CERKL: variants seen among roughly 807,000 people sequenced by gnomAD.
The protein encoded by CERKL is ceramide kinase-like protein.
A neutral mutation model predicts 63.4 loss-of-function variants in CERKL; 61 were observed. The observed-to-expected ratio is 0.96, with a 90% CI of 0.78 to 1.19. The LOEUF (loss-of-function observed/expected upper bound fraction) is 1.19. Ranked by LOEUF, CERKL falls within the 50% of genes most tolerant of loss-of-function variation. CERKL has a pLI of 0.00. For synonymous variants in CERKL, 250 were observed against 230.5 expected (o/e 1.08, Z -0.77); for missense variants, 675 against 655.5 (o/e 1.03, Z -0.33).
At chr2:181,547,555 T>C in intron 10 of CERKL, 63 bp downstream of exon 10, 1 of 1,300,394 alleles carries the variant, frequency 7.7e-7, no homozygotes, top group South Asian at 1.2e-5. Context: ...GTTAATTGGA[T>C]ACCCTGGAAA....
rs149462889 is a variant in CERKL at position 181,655,707 on chromosome 2, C to G, written c.238+1062G>C. ...GTGAGTCTATTCTGTAACATAAATACCACACTGTGTCTTGTTTTCCAACAG... is the reference window on the plus strand; with the variant it reads ...GTGAGTCTATTCTGTAACATAAATAGCACACTGTGTCTTGTTTTCCAACAG... On this transcript the variant is annotated intron_variant, in intron 1 of 12. Coordinates refer to ENST00000410087, the MANE Select transcript of CERKL (RefSeq NM_201548.5). 6.7e-3 allele frequency among the ~76,000 whole-genome samples: 1,023 copies of G among 152,314 alleles called. 7 individuals are homozygous for G. The highest frequency in any genetic ancestry group is 0.023 in the African/African-American group (970 of 41,558).
At chr2:181,559,908 A>G (rs1688365927) in intron 4 of CERKL, among the ~76,000 whole-genome samples, 1 of 152,148 alleles carries the variant, frequency 6.6e-6, no homozygotes, top group Middle Eastern at 3.2e-3. Flanking sequence ...TACTCTGGTT[A>G]GAAGACTCAA....
rs188552535 is a variant in CERKL, at chr2:181,609,873, T to C, written c.239-5794A>G. ...GATAATGGTGGCATCTAAGCGCCGC[T>C]AGAAATAGCAAAGGATGATTTAGAA... On this transcript the variant is annotated intron_variant, in intron 1 of 12. Transcript: ENST00000410087. 8.5e-5 allele frequency among the ~76,000 whole-genome samples: 13 copies of C among 152,244 alleles called. No individual in the cohort carries two copies. In the East Asian group the frequency reaches 1.9e-3, roughly 23 times the overall value.
chr2:181,640,456 G>C (rs944374336), intron 1 of CERKL, among the ~76,000 whole-genome samples: 21 of 152,144 alleles, frequency 1.4e-4, no homozygotes, highest in African/African-American at 5.1e-4. Context: ...TTTTAATGAT[G>C]CTTGTAGACT....
intron 3 of CERKL, among the ~76,000 whole-genome samples, chr2:181,572,812 C>G (rs75814252): frequency 0.019 from 2,015 of 105,178 alleles, 26 homozygotes; most frequent in Non-Finnish European, 0.027. Flanking sequence ...TCTTCTACCT[C>G]AATCCATCAG....
chr2:181,583,502 C>T (rs1156463923), intron 2 of CERKL, among the ~76,000 whole-genome samples: 1 of 152,158 alleles, frequency 6.6e-6, no homozygotes, highest in Non-Finnish European at 1.5e-5. Context: ...ATTGAAAATT[C>T]AGTTTAGAGG....
intron 1 of CERKL, among the ~76,000 whole-genome samples, chr2:181,638,440 G>A (rs967000101): frequency 2.0e-5 from 3 of 152,168 alleles, no homozygotes; most frequent in Non-Finnish European, 4.4e-5. Context: ...TCAAGATGAA[G>A]GGGCTCCCAT....
chr2:181,653,008 C>G (rs139779195), intron 1 of CERKL, among the ~76,000 whole-genome samples: 1,745 of 152,234 alleles, frequency 0.011, 34 homozygotes, highest in African/African-American at 0.041. Flanking sequence ...CTTCTGACCT[C>G]GTGATCTGCC....
intron 1 of CERKL, among the ~76,000 whole-genome samples, chr2:181,648,564 G>GA (rs1363373547): frequency 1.3e-5 from 2 of 151,988 alleles, no homozygotes; most frequent in Admixed American, 1.3e-4. Context: ...AGCTGTAAAT[G>GA]AAAAAATGAT....
chr2:181,538,280 T>G lies in CERKL; in HGVS notation c.1539-36A>C, dbSNP rs1222528757. On this transcript the variant is annotated intron_variant, in intron 12 of 12. Transcript: ENST00000410087. The stretch of plus-strand genomic sequence containing the variant: ...AATACATTATTTCATCAACTTATTT[T>G]GTTGTTTTTCACATACACCTAATAA... 4 of 1,372,662 alleles carry G rather than the reference T, an allele frequency of 2.9e-6. No homozygotes were observed. The African/African-American group carries it at 5.7e-5, about 20-fold the overall frequency. 85.0% of individuals were successfully genotyped at this position (1,372,662 alleles called of 1,614,324 possible).
intron 3 of CERKL, among the ~76,000 whole-genome samples, chr2:181,567,168 A>G: frequency 6.6e-6 from 1 of 152,164 alleles, no homozygotes; most frequent in Non-Finnish European, 1.5e-5. Context: ...TCTCTATATT[A>G]AATTCCAATC....
At chr2:181,565,456 A>C (rs773589445) in intron 4 of CERKL, 2 of 1,612,542 alleles carry the variant, frequency 1.2e-6, no homozygotes, top group South Asian at 2.2e-5. Flanking sequence ...TTTGCATGCC[A>C]GTGAACAATC....
chr2:181,573,635 G>A (rs1033750699), intron 3 of CERKL, 118 bp downstream of exon 3: 12 of 803,254 alleles, frequency 1.5e-5, no homozygotes, highest in South Asian at 1.1e-4. Context: ...TTATGAAGAC[G>A]TAAAAATGCT....
At chr2:181,581,975 C>T (rs1684533117) in intron 2 of CERKL, among the ~76,000 whole-genome samples, 1 of 152,200 alleles carries the variant, frequency 6.6e-6, no homozygotes, top group Non-Finnish European at 1.5e-5. Context: ...CTATTTCCTC[C>T]TCTGAATGAA....
chr2:181,575,841 C>T (rs1395094545), intron 2 of CERKL, among the ~76,000 whole-genome samples: 1 of 152,166 alleles, frequency 6.6e-6, no homozygotes, highest in Non-Finnish European at 1.5e-5. Flanking sequence ...CACCCCATCC[C>T]CACTTTTGTC....
At chr2:181,629,426 A>T (rs1686854650) in intron 1 of CERKL, among the ~76,000 whole-genome samples, 1 of 152,188 alleles carries the variant, frequency 6.6e-6, no homozygotes, top group South Asian at 2.1e-4. Flanking sequence ...CACCTAAGTC[A>T]ATGTTCTGCA....
In CERKL at chr2:181,593,769, T is replaced by C. The variant is rs74897660; in HGVS notation, c.481+10068A>G. On this transcript the variant is annotated intron_variant, in intron 2 of 12. Transcript: ENST00000410087. ...TGCATAGCCCATTGATGGACTCCTT[T>C]CCAGTGTTGCGACATTTTTAATATA... is the stretch of plus-strand genomic sequence containing the variant. Among the ~76,000 whole-genome samples, 904 of 151,974 alleles carry C rather than the reference T, an allele frequency of 5.9e-3. 6 individuals carry two copies. Among genetic ancestry groups the C allele is most frequent in the African/African-American group, 0.021 (864 of 41,442 alleles).
intron 5 of CERKL, among the ~76,000 whole-genome samples, chr2:181,554,458 G>A (rs1688120897): frequency 6.6e-6 from 1 of 152,114 alleles, no homozygotes; most frequent in Non-Finnish European, 1.5e-5. Flanking sequence ...AACTCTATAG[G>A]AATATATGGT....
At position 181,537,944 on chromosome 2, in the gene CERKL, G is replaced by A. The variant is rs918705419; in HGVS notation, c.*240C>T. 2 of 618,796 alleles carry A rather than the reference G, an allele frequency of 3.2e-6. No homozygotes were observed. Among genetic ancestry groups the A allele is most frequent in the East Asian group, 3.3e-5 (1 of 30,602 alleles). 38.3% of individuals were successfully genotyped at this position (618,796 alleles called of 1,614,324 possible). ...GCAGCAGCATTAGATTCTCATAGAAGTGCGAACCATATGGTGAACTGGTAT... is the reference window on the plus strand; with the variant it reads ...GCAGCAGCATTAGATTCTCATAGAAATGCGAACCATATGGTGAACTGGTAT... On this transcript the variant is annotated 3_prime_UTR_variant, in exon 13 of 13. Transcript: ENST00000410087.
Sources: allele counts gnomAD v4.1 joint callset (sites outside exome capture counted in the v4.1 genomes callset), GRCh38; gene constraint gnomAD v4.1.1; transcripts MANE v1.5; gene names NCBI Gene and HGNC (gene_info 2026-07-23, HGNC 2026-07-21).